Variants in GUCY2C observed in about 807,000 individuals in gnomAD.
The protein encoded by GUCY2C is guanylyl cyclase C.
GUCY2C carries 118 observed loss-of-function variants against 131.1 expected under a neutral mutation model. The observed-to-expected ratio is 0.90, with a 90% CI of 0.78 to 1.05. The LOEUF is 1.05. Ranked by LOEUF, GUCY2C falls within the 50% of genes least tolerant of loss-of-function variation. The probability of loss-of-function intolerance (pLI) is 0.00; values close to 1 mark genes in which losing one functional copy is unlikely to be tolerated. For missense variants in GUCY2C, 1,161 were observed against 1,304.4 expected (o/e 0.89, Z 1.69); for synonymous variants, 452 against 457.8 (o/e 0.99, Z 0.16).
chr12:14,665,502 A>G (rs1473495314), intron 10 of GUCY2C, among the ~76,000 whole-genome samples: 1 of 152,192 alleles, frequency 6.6e-6, no homozygotes, highest in Admixed American at 6.5e-5. Flanking sequence ...CAGAGTTGCC[A>G]ATTGACATGT....
At chr12:14,669,195 CT>C (rs112294471) in intron 10 of GUCY2C, among the ~76,000 whole-genome samples, 4,610 of 148,738 alleles carry the variant, frequency 0.031, 257 homozygotes, top group African/African-American at 0.11. Flanking sequence ...TCTTTCTTTC[CT>C]TTTTTTTCTT....
At chr12:14,671,850 C>T (rs1735037172) in intron 9 of GUCY2C, among the ~76,000 whole-genome samples, 1 of 152,106 alleles carries the variant, frequency 6.6e-6, no homozygotes, top group Non-Finnish European at 1.5e-5. Context: ...TTAAGGTATT[C>T]TTACGGAATG....
intron 10 of GUCY2C, among the ~76,000 whole-genome samples, chr12:14,665,304 A>G (rs575952757): frequency 4.6e-5 from 7 of 152,212 alleles, no homozygotes; most frequent in South Asian, 4.2e-4. Flanking sequence ...TCTATGGAGA[A>G]GTGATAAATT....
At chr12:14,632,299 G>T (rs929329446) in intron 19 of GUCY2C, among the ~76,000 whole-genome samples, 1 of 152,136 alleles carries the variant, frequency 6.6e-6, no homozygotes, top group South Asian at 2.1e-4. Context: ...TGAAGTCCTT[G>T]CCCATGCCTA....
Position 14,613,052 on chromosome 12 carries a change from C to T in GUCY2C, c.*65G>A, listed in dbSNP as rs1946681872. 16 of 1,335,250 alleles carry T rather than the reference C, an allele frequency of 1.2e-5. 1 individual carries two copies. The South Asian group carries it at 1.8e-4, about 15-fold the overall frequency. The allele number at this position is 1,335,250 out of a possible 1,614,324, so 82.7% of individuals were successfully genotyped here. On this transcript the variant is annotated 3_prime_UTR_variant, in exon 27 of 27. Transcript: ENST00000261170. This position sits in a 1 kb window ranked among gnomAD's most constrained non-coding sequence, Gnocchi z 4.9. The stretch of plus-strand genomic sequence containing the variant: ...CAGGAAAATGTAAGCTTTCAGGACA[C>T]TTGAGGTCGCTGCCTCAGTGCAGCT...
chr12:14,674,725 T>A lies in GUCY2C; in HGVS notation c.984A>T (p.Gly328=), dbSNP rs774094614. The part of the protein sequence containing the change: ...KRDFALAYLN[G]ILLFGHMLKI... The stretch of plus-strand genomic sequence containing the variant: ...TCAGCATATGTCCAAAGAGCAGGAT[T>A]CCATTCAAATAGGCAAGAGCAAAGT... The change falls in exon 8 of 27, where the codon GGA becomes GGT. Residue 328 remains glycine, a synonymous_variant. Transcript: ENST00000261170. 2 of 1,611,514 alleles carry A rather than the reference T, an allele frequency of 1.2e-6. No homozygotes were observed. Among genetic ancestry groups the A allele is most frequent in the African/African-American group, 2.7e-5 (2 of 74,950 alleles).
At chr12:14,636,548 A>G (rs552817997) in intron 19 of GUCY2C, among the ~76,000 whole-genome samples, 3 of 152,324 alleles carry the variant, frequency 2.0e-5, no homozygotes, top group South Asian at 2.1e-4. Flanking sequence ...GAATGAGGAA[A>G]AGCTGAAAGC....
At position 14,643,726 on chromosome 12, in the gene GUCY2C, A is replaced by G; in HGVS notation, c.1798-20T>C. ...CATTCCCTGTAATTTTTTAGATGAT[A>G]GAAAAACAGAAATGTGACACACTTC... is the stretch of plus-strand genomic sequence containing the variant. On this transcript the variant is annotated intron_variant, in intron 16 of 26. Transcript: ENST00000261170. 6.2e-7 allele frequency: 1 copy of G among 1,604,082 alleles called. No individual in the cohort carries two copies. The highest frequency in any genetic ancestry group is 8.5e-7 in the Non-Finnish European group (1 of 1,174,310).
intron 3 of GUCY2C, 53 bp downstream of exon 3, chr12:14,686,108 C>T: frequency 9.2e-7 from 1 of 1,091,242 alleles, no homozygotes; most frequent in Admixed American, 1.7e-5. Flanking sequence ...TTTGATGAGT[C>T]CTTTAAGTTG....
intron 5 of GUCY2C, among the ~76,000 whole-genome samples, chr12:14,680,142 A>C (rs1185234954): frequency 1.3e-5 from 2 of 152,166 alleles, no homozygotes; most frequent in Non-Finnish European, 2.9e-5. Context: ...AGTATACCTC[A>C]CCATTTGTAA....
intron 2 of GUCY2C, among the ~76,000 whole-genome samples, chr12:14,687,659 C>A (rs1260808823): frequency 6.6e-6 from 1 of 152,070 alleles, no homozygotes; most frequent in Admixed American, 6.5e-5. Context: ...CAAAACAAAA[C>A]AAAATTTTTA....
At chr12:14,664,895 G>T (rs7315578) in intron 10 of GUCY2C, among the ~76,000 whole-genome samples, 10,990 of 152,112 alleles carry the variant, frequency 0.072, 1,281 homozygotes, top group African/African-American at 0.25. Context: ...CCAAGGCACT[G>T]TGTTGGGGCA....
chr12:14,689,075 G>A (rs1948529758), intron 1 of GUCY2C, among the ~76,000 whole-genome samples: 1 of 152,220 alleles, frequency 6.6e-6, no homozygotes, highest in South Asian at 2.1e-4. Flanking sequence ...GGATCCTGAT[G>A]CAGAGAATAG....
chr12:14,674,682 C>T lies in GUCY2C; in HGVS notation c.1027G>A (p.Gly343Arg), dbSNP rs771454391. Residue 343 changes from glycine (G) to arginine (R), a missense_variant, in exon 8 of 27, where the codon GGA becomes AGA. Coordinates refer to ENST00000261170, the MANE Select transcript of GUCY2C (RefSeq NM_004963.4). ...AATTTGGGGGTGGTAATATTTTCTCCATTTTCAAGAAATATCTTCAGCATA... is the reference window on the plus strand; with the variant it reads ...AATTTGGGGGTGGTAATATTTTCTCTATTTTCAAGAAATATCTTCAGCATA... ...GHMLKIFLEN[G>R]ENITTPKFAH... is the part of the protein sequence containing the mutation. 6.2e-7 allele frequency: 1 copy of T among 1,612,704 alleles called. No homozygotes were observed.
Position 14,613,397 on chromosome 12 carries a change from C to A in GUCY2C, c.3048-106G>T. 1.2e-6 allele frequency: 1 copy of A among 810,978 alleles called. No individual in the cohort carries two copies. The highest frequency in any genetic ancestry group is 1.9e-5 in the Admixed American group (1 of 51,468). 50.2% of individuals were successfully genotyped at this position (810,978 alleles called of 1,614,324 possible). On this transcript the variant is annotated intron_variant, in intron 26 of 26. Coordinates refer to ENST00000261170, the MANE Select transcript of GUCY2C (RefSeq NM_004963.4). The surrounding 1 kb of genome is among the most constrained non-coding windows in gnomAD (Gnocchi z 4.9). ...AGTTAGTCAGTTACTCTTTGAATGC[C>A]TATTCTGTGCTAGACACAGGAAATC...
chr12:14,650,947 G>A (rs1374383110), intron 15 of GUCY2C, among the ~76,000 whole-genome samples: 1 of 151,720 alleles, frequency 6.6e-6, no homozygotes, highest in Non-Finnish European at 1.5e-5. Flanking sequence ...TGTTTGCTTT[G>A]GACTTGCTCA....
chr12:14,623,727 G>A (rs1946945186), intron 21 of GUCY2C, among the ~76,000 whole-genome samples: 2 of 152,126 alleles, frequency 1.3e-5, no homozygotes, highest in Admixed American at 6.5e-5. Context: ...CCCCATTGCT[G>A]TTCCTGTGTT....
At chr12:14,624,236 T>C (rs1008123632) in intron 21 of GUCY2C, among the ~76,000 whole-genome samples, 5 of 151,892 alleles carry the variant, frequency 3.3e-5, no homozygotes, top group Middle Eastern at 3.4e-3. Flanking sequence ...AGGTCAGGAG[T>C]TCGAGACCAG....
At chr12:14,638,888 A>G (rs886885961) in intron 19 of GUCY2C, among the ~76,000 whole-genome samples, 10 of 152,196 alleles carry the variant, frequency 6.6e-5, no homozygotes, top group African/African-American at 2.4e-4. Context: ...AGAAATGATA[A>G]CTACTTAAGG....
Sources: allele counts gnomAD v4.1 joint callset (sites outside exome capture counted in the v4.1 genomes callset), GRCh38; gene constraint gnomAD v4.1.1; non-coding constraint Gnocchi (gnomAD v3.1); transcripts MANE v1.5; gene names NCBI Gene and HGNC (gene_info 2026-07-23, HGNC 2026-07-21).